ASPHD1: variants seen among roughly 807,000 people sequenced by gnomAD.
ASPHD1 encodes the protein aspartate beta-hydroxylase domain containing 1.
Under a neutral mutation model 28.3 loss-of-function variants are expected in ASPHD1, and 20 were observed. The ratio of observed to expected loss-of-function variants is 0.71; its 90% CI spans 0.50 to 1.03. The LOEUF (loss-of-function observed/expected upper bound fraction) is 1.03. Among genes scored for constraint, ASPHD1 ranks in the 50% least tolerant of loss-of-function variants. The pLI, the probability that ASPHD1 is intolerant of heterozygous loss-of-function variation, is 0.00. For synonymous variants in ASPHD1, 240 were observed against 221.2 expected, an observed-to-expected ratio of 1.08 and a Z score of -0.75; for missense variants, 479 against 524.1, an observed-to-expected ratio of 0.91 and a Z score of 0.84.
At position 29,901,742 on chromosome 16, in the gene ASPHD1, A is replaced by C. The variant is rs1238396679; in HGVS notation, c.771A>C (p.Ala257=). 6.4e-7 allele frequency: 1 copy of C among 1,553,254 alleles called. No homozygotes were observed. Among genetic ancestry groups the C allele is most frequent in the East Asian group, 2.3e-5 (1 of 43,948 alleles). Residue 257 remains alanine, a synonymous_variant, in exon 1 of 3, where the codon GCA becomes GCC. Transcript: ENST00000308748. The surrounding 1 kb of genome is among the most constrained non-coding windows in gnomAD (Gnocchi z 5.1). The part of the protein sequence containing the change: ...PGCYQLLLYQ[A]GRCQPSNCRR... ...GCTACCAGCTCCTGCTGTACCAAGC[A>C]GGCCGGTGCCAACCCAGCAACTGCC...
At chr16:29,917,896 C>T (rs996687617) in intron 3 of ASPHD1, among the ~76,000 whole-genome samples, 1 of 152,058 alleles carries the variant, frequency 6.6e-6, no homozygotes, top group Non-Finnish European at 1.5e-5. Flanking sequence ...TGCAGTGAGC[C>T]GAGATGACAC....
chr16:29,905,811 G>C lies in ASPHD1; in HGVS notation c.1087G>C (p.Val363Leu). 1.9e-6 allele frequency: 3 copies of C among 1,613,932 alleles called. No individual in the cohort carries two copies. Among genetic ancestry groups the C allele is most frequent in the Non-Finnish European group, 2.5e-6 (3 of 1,179,934 alleles). ...AGGCTCCCCCGAAGATGGGCCTCGA[G>C]TGGTCTTCATCGTGGACCTCTGGCA... ...HNGSPEDGPR[V>L]VFIVDLWHPN... The change falls in exon 3 of 3, where the codon GTG (valine) becomes CTG (leucine). Residue 363 changes from valine (V) to leucine (L), a missense_variant. Val to Leu is a conservative substitution (Grantham distance 32). Transcript: ENST00000308748.
downstream of ASPHD1, among the ~76,000 whole-genome samples, chr16:29,908,154 A>G (rs1373829147): frequency 6.6e-6 from 1 of 152,134 alleles, no homozygotes; most frequent in East Asian, 1.9e-4. Flanking sequence ...GACAAGGCAC[A>G]CAGAGCAGAA....
Position 29,901,118 on chromosome 16 carries a change from G to A in ASPHD1, c.147G>A (p.Gln49=). The change falls in exon 1 of 3, where the codon CAG becomes CAA. Residue 49 remains glutamine, a synonymous_variant. Transcript: ENST00000308748. This position sits in a 1 kb window ranked among gnomAD's most constrained non-coding sequence, Gnocchi z 5.1. ...MEGTGGELGG[Q]GNWGPEDAPG... ...GGACAGGTGGGGAGCTGGGGGGACA[G>A]GGGAACTGGGGTCCGGAGGACGCCC... The A allele has an allele frequency of 6.2e-7, 1 of 1,608,980 alleles. No homozygotes were observed. Among genetic ancestry groups the A allele is most frequent in the Non-Finnish European group, 8.5e-7 (1 of 1,177,540 alleles).
rs530484130 is a variant in ASPHD1 at position 29,901,978 on chromosome 16, C to G, written c.949+58C>G. On this transcript the variant is annotated intron_variant, in intron 1 of 2. Transcript: ENST00000308748. The surrounding 1 kb of genome is among the most constrained non-coding windows in gnomAD (Gnocchi z 5.1). ...GCCTCGATGATTTCCCCCCCAGACC[C>G]TTCTCTCCGCCAGAGCCGTCTGCTG... 5 of 1,326,730 alleles carry G rather than the reference C, an allele frequency of 3.8e-6. No individual in the cohort carries two copies. In the East Asian group the frequency reaches 1.4e-4, roughly 38 times the overall value. 82.2% of individuals were successfully genotyped at this position (1,326,730 alleles called of 1,614,324 possible).
At chr16:29,910,918 T>C (rs188061505), downstream of ASPHD1, 349 of 1,508,474 alleles carry the variant, frequency 2.3e-4, no homozygotes, top group Non-Finnish European at 3.1e-4. Flanking sequence ...CCTGCTTTTG[T>C]CCAGGGTCCT....
chr16:29,904,770 A>G, intron 1 of ASPHD1, 82 bp from the exon 2 acceptor site: 1 of 828,948 alleles, frequency 1.2e-6, no homozygotes, highest in Non-Finnish European at 1.9e-6. Context: ...TAAGACACTT[A>G]GAGCTAGTTG....
At chr16:29,906,777 T>A (rs2150831289), downstream of ASPHD1, 3 of 1,092,828 alleles carry the variant, frequency 2.7e-6, no homozygotes, top group East Asian at 7.7e-5. Context: ...ACCCACGACT[T>A]GGCCAGCAGA....
At chr16:29,903,184 G>A (rs941096595) in intron 1 of ASPHD1, among the ~76,000 whole-genome samples, 1 of 151,692 alleles carries the variant, frequency 6.6e-6, no homozygotes, top group African/African-American at 2.4e-5. Context: ...GAGAAATCCT[G>A]TCTCTACTAA....
chr16:29,904,757 A>AT (rs1366247701), intron 1 of ASPHD1, 95 bp from the exon 2 acceptor site: 1 of 727,440 alleles, frequency 1.4e-6, no homozygotes, highest in East Asian at 2.7e-5. Flanking sequence ...AAAACCTGGC[A>AT]TTTAAGACAC....
intron 3 of ASPHD1, among the ~76,000 whole-genome samples, chr16:29,917,934 C>G (rs957456754): frequency 6.6e-6 from 1 of 152,048 alleles, no homozygotes; most frequent in African/African-American, 2.4e-5. Context: ...GGTGACAGAT[C>G]AAGACTCTGC....
downstream of ASPHD1, among the ~76,000 whole-genome samples, chr16:29,908,007 A>G (rs1041934398): frequency 2.6e-5 from 4 of 151,730 alleles, no homozygotes; most frequent in Admixed American, 6.6e-5. Context: ...GAGAGAGAGA[A>G]AGAGATACAT....
At chr16:29,916,920 C>T (rs2068820247) in intron 3 of ASPHD1, among the ~76,000 whole-genome samples, 1 of 152,162 alleles carries the variant, frequency 6.6e-6, no homozygotes, top group South Asian at 2.1e-4. Flanking sequence ...TTGCTGTCGG[C>T]AGGGGCTTCA....
In ASPHD1 at chr16:29,901,370, TG is replaced by T; in HGVS notation, c.403del (p.Asp135IlefsTer11). The T allele has an allele frequency of 1.3e-6, 2 of 1,593,336 alleles. No homozygotes were observed. Reference sequence around the variant, plus strand: ...CCGGCGGGCCAAGCCCAGGGGGTCCTGGGGATCCCGGGGAAGGACCTAGGAC... The same window carrying T: ...CCGGCGGGCCAAGCCCAGGGGGTCCTGGGATCCCGGGGAAGGACCTAGGAC... ...EAGGPSPGGP[G>X]DPGEGPRTEG... On this transcript the variant is annotated frameshift_variant, in exon 1 of 3. Coordinates refer to ENST00000308748, the MANE Select transcript of ASPHD1 (RefSeq NM_181718.4). LOFTEE classifies it high-confidence loss of function. The surrounding 1 kb of genome is among the most constrained non-coding windows in gnomAD (Gnocchi z 5.1).
rs2150828003 is a variant in ASPHD1 at position 29,901,919 on chromosome 16, G to T, written c.948G>T (p.Leu316=). The change falls in exon 1 of 3, where the codon CTG becomes CTT. Residue 316 remains leucine, a splice_region_variant and synonymous_variant. Coordinates refer to ENST00000308748, the MANE Select transcript of ASPHD1 (RefSeq NM_181718.4). The surrounding 1 kb of genome is among the most constrained non-coding windows in gnomAD (Gnocchi z 5.1). ...CCAATGCCCGGGTCAGATGCCATCTGGGTAAGTAGCTGCCGCCTACTGACA... is the reference window on the plus strand; with the variant it reads ...CCAATGCCCGGGTCAGATGCCATCTTGGTAAGTAGCTGCCGCCTACTGACA... ...GPTNARVRCH[L]GLKIPPGCEL... 1.4e-6 allele frequency: 2 copies of T among 1,478,238 alleles called. No individual in the cohort carries two copies. Among genetic ancestry groups the T allele is most frequent in the African/African-American group, 1.4e-5 (1 of 69,096 alleles). 91.6% of individuals were successfully genotyped at this position (1,478,238 alleles called of 1,614,324 possible).
downstream of ASPHD1, among the ~76,000 whole-genome samples, chr16:29,910,193 A>G (rs1248614403): frequency 3.3e-5 from 5 of 151,404 alleles, no homozygotes; most frequent in African/African-American, 1.2e-4. Context: ...AGGTCAAGAG[A>G]TTGAGACCAT....
At chr16:29,904,062 T>C (rs1182053737) in intron 1 of ASPHD1, among the ~76,000 whole-genome samples, 1 of 151,782 alleles carries the variant, frequency 6.6e-6, no homozygotes, top group Non-Finnish European at 1.5e-5. Flanking sequence ...TACCAGCACT[T>C]TGGGAGGCCA....
At chr16:29,912,034 G>C in intron 3 of ASPHD1, 1 of 1,608,104 alleles carries the variant, frequency 6.2e-7, no homozygotes. Context: ...AGCGGGGACA[G>C]CGTCTCCCTT....
Position 29,901,474 on chromosome 16 carries a change from C to A in ASPHD1, c.503C>A (p.Ala168Glu). 1 of 1,584,984 alleles carries A rather than the reference C, an allele frequency of 6.3e-7. No homozygotes were observed. The change falls in exon 1 of 3, where the codon GCA (alanine) becomes GAA (glutamate). Residue 168 changes from alanine to glutamate, a missense_variant. By Grantham distance (107) the Ala-to-Glu change is moderately radical (BLOSUM62 -1). Transcript: ENST00000308748. The surrounding 1 kb of genome is among the most constrained non-coding windows in gnomAD (Gnocchi z 5.1). ...GCTGGGATGGGTAGAGTGAGGCGGG[C>A]AGCTCAGGGTGGCCCAGGCCCTGGG... ...SWAGMGRVRR[A>E]AQGGPGPGRG...
Sources: allele counts gnomAD v4.1 joint callset (sites outside exome capture counted in the v4.1 genomes callset), GRCh38; gene constraint gnomAD v4.1.1; non-coding constraint Gnocchi (gnomAD v3.1); transcripts MANE v1.5; gene names NCBI Gene and HGNC (gene_info 2026-07-23, HGNC 2026-07-21).